CLVS1: variants seen among roughly 807,000 people sequenced by gnomAD.
CLVS1 encodes the protein clavesin-1.
In CLVS1, 10 loss-of-function variants were observed where a neutral mutation model predicts 33.1. The ratio of observed to expected loss-of-function variants is 0.30; its 90% CI spans 0.19 to 0.51. CLVS1 has a LOEUF of 0.51. Ranked by LOEUF, CLVS1 falls within the 20% of genes least tolerant of loss-of-function variation. The pLI, the probability that CLVS1 is intolerant of heterozygous loss-of-function variation, is 0.97. For synonymous variants in CLVS1, 163 were observed against 166.1 expected (o/e 0.98, Z 0.14); for missense variants, 343 against 433.4 (o/e 0.79, Z 1.85).
At chr8:61,222,242 C>G (rs893058118) in intron 2 of CLVS1, among the ~76,000 whole-genome samples, 2 of 151,750 alleles carry the variant, frequency 1.3e-5, no homozygotes, top group African/African-American at 4.8e-5. Context: ...TTTGTTTGCT[C>G]TTGCCTCTCT....
chr8:61,328,839 C>T (rs1439303658), intron 2 of CLVS1, among the ~76,000 whole-genome samples: 1 of 152,128 alleles, frequency 6.6e-6, no homozygotes. Context: ...TTACACTGGA[C>T]AGTTGAAAAA....
At chr8:61,224,974 A>G (rs1808296831) in intron 2 of CLVS1, among the ~76,000 whole-genome samples, 1 of 152,198 alleles carries the variant, frequency 6.6e-6, no homozygotes, top group Admixed American at 6.5e-5. Flanking sequence ...TGAATGATAT[A>G]TTTGTGTTTT....
intron 5 of CLVS1, among the ~76,000 whole-genome samples, chr8:61,468,947 G>T (rs894192775): frequency 6.6e-6 from 1 of 152,096 alleles, no homozygotes; most frequent in Non-Finnish European, 1.5e-5. Flanking sequence ...CACACCCCAC[G>T]AGGTGCTGCC....
chr8:60,991,384 T>A, the CLVS1 span, among the ~76,000 whole-genome samples: 1 of 152,280 alleles, frequency 6.6e-6, no homozygotes, highest in East Asian at 1.9e-4. Flanking sequence ...AGCCAGAAAA[T>A]ACTTTGTACT....
the CLVS1 span, among the ~76,000 whole-genome samples, chr8:61,041,888 T>C: frequency 1.9e-3 from 295 of 152,264 alleles, no homozygotes; most frequent in Non-Finnish European, 2.8e-3. Flanking sequence ...ACTTCCTGTT[T>C]TTTGTTTTTT....
At chr8:60,970,611 C>T in the CLVS1 span, among the ~76,000 whole-genome samples, 1 of 152,238 alleles carries the variant, frequency 6.6e-6, no homozygotes, top group Non-Finnish European at 1.5e-5. Context: ...CCCATGTCTT[C>T]TATCTCCCTG....
chr8:61,275,183 AT>A (rs897629514), intron 2 of CLVS1, among the ~76,000 whole-genome samples: 4 of 152,098 alleles, frequency 2.6e-5, no homozygotes, highest in Admixed American at 6.5e-5. Flanking sequence ...TTTTATTTTT[AT>A]TTTTTTAGTT....
At chr8:61,369,407 T>A (rs1287336530) in intron 2 of CLVS1, among the ~76,000 whole-genome samples, 2 of 152,212 alleles carry the variant, frequency 1.3e-5, no homozygotes, top group African/African-American at 2.4e-5. Flanking sequence ...CTGAATTATG[T>A]AAGAGTTATT....
chr8:61,294,868 G>T (rs3852344), intron 1 of CLVS1, among the ~76,000 whole-genome samples: 2 of 151,914 alleles, frequency 1.3e-5, no homozygotes, highest in African/African-American at 4.8e-5. Context: ...TCTTTGATTC[G>T]TAAGGAATAC....
the CLVS1 span, among the ~76,000 whole-genome samples, chr8:61,047,953 TAAAA>T: frequency 6.6e-6 from 1 of 151,014 alleles, no homozygotes; most frequent in Non-Finnish European, 1.5e-5. Flanking sequence ...AATAATAAAA[TAAAA>T]AAAATTCATC....
chr8:61,377,010 C>G (rs1011010567), intron 3 of CLVS1: 6 of 443,400 alleles, frequency 1.4e-5, no homozygotes, highest in African/African-American at 1.2e-4. Flanking sequence ...AAATTATCCT[C>G]TGTAGCAATA....
At chr8:60,979,494 A>G in the CLVS1 span, among the ~76,000 whole-genome samples, 132 of 152,386 alleles carry the variant, frequency 8.7e-4, no homozygotes, top group African/African-American at 3.0e-3. Flanking sequence ...GGAGAGTTTC[A>G]GAATTATCTC....
intron 1 of CLVS1, among the ~76,000 whole-genome samples, chr8:61,080,094 G>A (rs111237637): frequency 0.012 from 1,761 of 152,222 alleles, 31 homozygotes; most frequent in African/African-American, 0.04. Flanking sequence ...AGCAAATATC[G>A]TGAATATTCT....
At chr8:61,120,887 G>C (rs1214358360) in intron 1 of CLVS1, among the ~76,000 whole-genome samples, 3 of 146,894 alleles carry the variant, frequency 2.0e-5, no homozygotes, top group African/African-American at 7.7e-5. Flanking sequence ...TCCTTGATCT[G>C]TGGTAGGCTC....
chr8:61,212,002 G>A (rs866748133), intron 2 of CLVS1, among the ~76,000 whole-genome samples: 26 of 152,322 alleles, frequency 1.7e-4, no homozygotes, highest in African/African-American at 6.3e-4. Flanking sequence ...CGATCCTCTG[G>A]GGGGAGTATG....
At chr8:61,176,458 G>T (rs1027164978) in intron 2 of CLVS1, among the ~76,000 whole-genome samples, 3 of 152,120 alleles carry the variant, frequency 2.0e-5, no homozygotes, top group African/African-American at 7.2e-5. Context: ...TGTGAATTTT[G>T]TTAATAAGTA....
chr8:61,015,149 A>G, the CLVS1 span, among the ~76,000 whole-genome samples: 1 of 152,260 alleles, frequency 6.6e-6, no homozygotes, highest in African/African-American at 2.4e-5. Flanking sequence ...TGGTTTGGCT[A>G]TAAGCCTACA....
chr8:61,399,601 T>C (rs1184251523), intron 3 of CLVS1, among the ~76,000 whole-genome samples: 3 of 152,232 alleles, frequency 2.0e-5, no homozygotes, highest in Non-Finnish European at 2.9e-5. Flanking sequence ...CATCATGAAA[T>C]CTTTGCCTGT....
intron 3 of CLVS1, among the ~76,000 whole-genome samples, chr8:61,384,977 G>A (rs1814023256): frequency 1.3e-5 from 2 of 152,130 alleles, no homozygotes; most frequent in African/African-American, 4.8e-5. Context: ...GTGCAGTGGT[G>A]GGGGTGTCAT....
Sources: allele counts gnomAD v4.1 joint callset (sites outside exome capture counted in the v4.1 genomes callset), GRCh38; gene constraint gnomAD v4.1.1; transcripts MANE v1.5; gene names NCBI Gene and HGNC (gene_info 2026-07-23, HGNC 2026-07-21).